The following ERCC1 variants were observed in gnomAD, a reference collection of about 807,000 sequenced individuals.
ERCC1 encodes DNA excision repair protein ERCC-1.
Under a neutral mutation model 37.6 loss-of-function variants are expected in ERCC1, and 36 were observed. That is an observed-to-expected ratio of 0.96 (90% CI 0.73 to 1.26). The LOEUF is 1.26. Among genes scored for constraint, ERCC1 ranks in the 50% most tolerant of loss-of-function variants. ERCC1 has a pLI of 0.00. For synonymous variants in ERCC1, 156 were observed against 162.1 expected (o/e 0.96, Z 0.28); for missense variants, 349 against 376.5 (o/e 0.93, Z 0.60).
chr19:45,422,198 G>C (rs749740793), intron 2 of ERCC1, among the ~76,000 whole-genome samples: 37 of 152,090 alleles, frequency 2.4e-4, no homozygotes, highest in Non-Finnish European at 5.0e-4. Flanking sequence ...CTGCCTCAGA[G>C]TGAAAGCCAA....
At chr19:45,442,523 C>G (rs1238994464) in intron 1 of ERCC1, among the ~76,000 whole-genome samples, 1 of 152,148 alleles carries the variant, frequency 6.6e-6, no homozygotes, top group Non-Finnish European at 1.5e-5. Context: ...AATCATTCAG[C>G]ACTCAGTGAG....
At chr19:45,432,475 G>T (rs1181435024) in intron 1 of ERCC1, among the ~76,000 whole-genome samples, 1 of 151,912 alleles carries the variant, frequency 6.6e-6, no homozygotes, top group African/African-American at 2.4e-5. Flanking sequence ...AAATTTCTCA[G>T]TTTTGATTTC....
chr19:45,438,310 C>T (rs1975034596), intron 1 of ERCC1, among the ~76,000 whole-genome samples: 1 of 152,192 alleles, frequency 6.6e-6, no homozygotes, highest in East Asian at 1.9e-4. Flanking sequence ...TCAAGCCATC[C>T]TCCTGCTTCG....
At chr19:45,436,067 AT>A (rs144097468) in intron 1 of ERCC1, among the ~76,000 whole-genome samples, 1 of 151,706 alleles carries the variant, frequency 6.6e-6, no homozygotes, top group East Asian at 1.9e-4. Context: ...TGCCCAGCCT[AT>A]TTTTTTTAAA....
rs1204317935 is a variant in ERCC1, at chr19:45,451,251, G to T, written c.-8+27485C>A. 2.6e-5 allele frequency among the ~76,000 whole-genome samples: 4 copies of T among 152,186 alleles called. No individual in the cohort carries two copies. In the East Asian group the frequency reaches 7.7e-4, roughly 29 times the overall value. ...GTCTGTCCAGCGCCTCCCGCGCTGT[G>T]GCTGTCTCATATCCCCCCCAAACCA... On this transcript the variant is annotated intron_variant, in intron 1 of 8. Coordinates refer to the ERCC1 transcript ENST00000423698.
intron 1 of ERCC1, among the ~76,000 whole-genome samples, chr19:45,444,741 A>G (rs1332440117): frequency 6.6e-6 from 1 of 152,214 alleles, no homozygotes; most frequent in African/African-American, 2.4e-5. Context: ...AGAAATAAGC[A>G]CAGAAATAAT....
At chr19:45,449,487 C>T (rs1251080006) in intron 1 of ERCC1, among the ~76,000 whole-genome samples, 2 of 151,494 alleles carry the variant, frequency 1.3e-5, no homozygotes, top group African/African-American at 2.4e-5. Context: ...ATGAGACCCC[C>T]GTCTCTAAAA....
chr19:45,434,383 C>T (rs1413073563), intron 1 of ERCC1, among the ~76,000 whole-genome samples: 2 of 150,820 alleles, frequency 1.3e-5, no homozygotes, highest in Non-Finnish European at 1.5e-5. Flanking sequence ...CCCACGTACT[C>T]GGGAGGCTAA....
At chr19:45,417,394 G>A (rs1323784555) in intron 5 of ERCC1, among the ~76,000 whole-genome samples, 3 of 152,172 alleles carry the variant, frequency 2.0e-5, no homozygotes, top group South Asian at 4.1e-4. Context: ...AGGGCTTCTT[G>A]GAGGAGGGGA....
At chr19:45,428,626 G>T (rs1974759594), upstream of ERCC1, among the ~76,000 whole-genome samples, 2 of 152,196 alleles carry the variant, frequency 1.3e-5, no homozygotes, top group Non-Finnish European at 2.9e-5. Context: ...CCCTTTGTTC[G>T]CCCCGGAACG....
At chr19:45,441,207 A>G (rs1324364607) in intron 1 of ERCC1, among the ~76,000 whole-genome samples, 1 of 151,774 alleles carries the variant, frequency 6.6e-6, no homozygotes, top group Non-Finnish European at 1.5e-5. Flanking sequence ...TGCCCACTCC[A>G]AGCATCAGTG....
In ERCC1 at chr19:45,409,891, TATTA is replaced by T. The variant is rs1365432247; in HGVS notation, c.844-170_844-167del. ...AATCTTTTTAAGTTATTATTATTAT[TATTA>T]TTTTTTTTTTTTTTGAGATGGAGTC... is the stretch of plus-strand genomic sequence containing the variant. On this transcript the variant is annotated intron_variant, in intron 9 of 9. Transcript: ENST00000300853. The T allele has an allele frequency of 1.1e-3, 261 of 237,868 alleles. 2 individuals are homozygous for T. Among genetic ancestry groups the T allele is most frequent in the Admixed American group, 4.8e-3 (64 of 13,236 alleles). 14.7% of individuals were successfully genotyped at this position (237,868 alleles called of 1,614,324 possible).
At chr19:45,434,799 G>C (rs936843043) in intron 1 of ERCC1, among the ~76,000 whole-genome samples, 1 of 150,382 alleles carries the variant, frequency 6.6e-6, no homozygotes, top group Non-Finnish European at 1.5e-5. Context: ...TTTTGAGACA[G>C]AGTTTCGCTC....
intron 7 of ERCC1, chr19:45,414,352 C>T (rs947504566): frequency 1.7e-5 from 7 of 415,730 alleles, no homozygotes; most frequent in African/African-American, 1.4e-4. Flanking sequence ...TTGTGGGCAC[C>T]TGTAGTCCCA....
chr19:45,434,671 C>T (rs534875612), intron 1 of ERCC1, among the ~76,000 whole-genome samples: 152 of 151,822 alleles, frequency 1.0e-3, no homozygotes, highest in African/African-American at 3.4e-3. Context: ...CTGCAACCTT[C>T]GCCTCCCGGG....
upstream of ERCC1, among the ~76,000 whole-genome samples, chr19:45,424,908 A>G (rs1974635497): frequency 6.8e-6 from 1 of 147,504 alleles, no homozygotes; most frequent in African/African-American, 2.6e-5. Context: ...TCATAATGAT[A>G]AATTCTTTTT....
Position 45,408,851 on chromosome 19 carries a change from G to A in ERCC1, c.*824C>T. On this transcript the variant is annotated 3_prime_UTR_variant, in exon 10 of 10. Coordinates refer to ENST00000300853, the MANE Select transcript of ERCC1 (RefSeq NM_001983.4). ...GACCAAAAAGAGAAAGAGGCAAAAG[G>A]GGACGGAAGGGATGGAGCCAGAGGA... is the stretch of plus-strand genomic sequence containing the variant. The A allele has an allele frequency of 6.2e-7, 1 of 1,614,154 alleles. No homozygotes were observed. The highest frequency in any genetic ancestry group is 8.5e-7 in the Non-Finnish European group (1 of 1,180,044).
intron 1 of ERCC1, among the ~76,000 whole-genome samples, chr19:45,440,534 A>G (rs1975094327): frequency 6.6e-6 from 1 of 152,030 alleles, no homozygotes; most frequent in Non-Finnish European, 1.5e-5. Context: ...AGCATGGGAC[A>G]CTTCAGTCTG....
At chr19:45,449,859 G>A (rs1216587528) in intron 1 of ERCC1, among the ~76,000 whole-genome samples, 1 of 151,950 alleles carries the variant, frequency 6.6e-6, no homozygotes. Flanking sequence ...AGCTACTCGG[G>A]AGGCTGAGGC....
Sources: gnomAD v4.1 joint callset for allele counts (sites outside exome capture counted in the v4.1 genomes callset) on GRCh38, gnomAD v4.1.1 for gene constraint, MANE v1.5 for transcripts, NCBI Gene and HGNC (gene_info 2026-07-23, HGNC 2026-07-21) for gene names.